Variants in DNAH9 observed in about 807,000 individuals in gnomAD.
DNAH9 encodes the protein DNAH9 variant protein.
Under a neutral mutation model 471.6 loss-of-function variants are expected in DNAH9, and 345 were observed. The observed-to-expected ratio is 0.73, with a 90% CI of 0.67 to 0.80. DNAH9 has a LOEUF of 0.80. DNAH9 is among the 30% of genes least tolerant of loss of function. DNAH9 has a pLI of 0.00. For synonymous variants in DNAH9, 2,093 were observed against 2,123.6 expected, an observed-to-expected ratio of 0.99 and a Z score of 0.40; for missense variants, 5,407 against 5,609.2, an observed-to-expected ratio of 0.96 and a Z score of 1.15.
At chr17:11,755,678 C>G (rs1223963837) in intron 33 of DNAH9, among the ~76,000 whole-genome samples, 1 of 148,830 alleles carries the variant, frequency 6.7e-6, no homozygotes, top group Admixed American at 6.6e-5. Context: ...TTTTCTGACT[C>G]AACACACATA....
intron 36 of DNAH9, among the ~76,000 whole-genome samples, chr17:11,766,613 G>A (rs1231732264): frequency 2.0e-5 from 3 of 152,192 alleles, no homozygotes; most frequent in Admixed American, 2.0e-4. Context: ...GAGAGCCCAG[G>A]GGACATGGGG....
At chr17:11,645,122 A>G (rs1035019263) in intron 11 of DNAH9, among the ~76,000 whole-genome samples, 2 of 152,242 alleles carry the variant, frequency 1.3e-5, no homozygotes, top group African/African-American at 2.4e-5. Flanking sequence ...TATGACTTCA[A>G]AGTTGTAACT....
At chr17:11,754,459 T>A (rs1967292221) in intron 33 of DNAH9, among the ~76,000 whole-genome samples, 1 of 152,356 alleles carries the variant, frequency 6.6e-6, no homozygotes, top group East Asian at 1.9e-4. Context: ...TATAAATGTG[T>A]TCCCTTTTCT....
Position 11,689,980 on chromosome 17 carries a change from G to C in DNAH9, c.4158G>C (p.Trp1386Cys). ...LQNPAIRERH[W>C]RQLMQATGVS... Reference sequence around the variant, plus strand: ...ATCCAGCCATCCGGGAGCGGCACTGGAGGCAGCTGATGCAGGCCACCGGTG... The same window carrying C: ...ATCCAGCCATCCGGGAGCGGCACTGCAGGCAGCTGATGCAGGCCACCGGTG... The change falls in exon 20 of 69, where the codon TGG becomes TGC. Residue 1386 changes from tryptophan to cysteine, a missense_variant. Around this residue, in one of 3 missense-constraint regions of DNAH9, gnomAD observed 4,636 missense variants for 4,900.3 expected, o/e 0.95. Transcript: ENST00000262442. The C allele has an allele frequency of 1.2e-6, 2 of 1,614,036 alleles. No individual in the cohort carries two copies. Among genetic ancestry groups the C allele is most frequent in the South Asian group, 2.2e-5 (2 of 91,054 alleles).
chr17:11,912,225 G>T (rs1156797101), intron 61 of DNAH9, among the ~76,000 whole-genome samples: 2 of 152,076 alleles, frequency 1.3e-5, no homozygotes, highest in East Asian at 1.9e-4. Context: ...TCACCATGTT[G>T]GCAGGATGGT....
chr17:11,952,978 G>A (rs1975447090), intron 67 of DNAH9, among the ~76,000 whole-genome samples: 1 of 152,136 alleles, frequency 6.6e-6, no homozygotes, highest in East Asian at 1.9e-4. Flanking sequence ...TCCTCAAATG[G>A]CAGGGAGGCA....
At chr17:11,739,184 C>A in intron 29 of DNAH9, 147 bp downstream of exon 29, 1 of 778,424 alleles carries the variant, frequency 1.3e-6, no homozygotes, top group Non-Finnish European at 2.0e-6. Flanking sequence ...GTCTTTAATG[C>A]AGTAAAATTG....
chr17:11,897,722 C>T (rs1461765617), intron 59 of DNAH9, among the ~76,000 whole-genome samples: 1 of 152,180 alleles, frequency 6.6e-6, no homozygotes, highest in Non-Finnish European at 1.5e-5. Flanking sequence ...GCCTTGGTTT[C>T]CTCATCTGCA....
intron 45 of DNAH9, among the ~76,000 whole-genome samples, chr17:11,816,934 C>T (rs1362110428): frequency 6.6e-6 from 1 of 152,206 alleles, no homozygotes; most frequent in South Asian, 2.1e-4. Flanking sequence ...TGGCAGGCAC[C>T]TGTAATCCCA....
chr17:11,696,309 ATC>A (rs748559448), intron 22 of DNAH9, among the ~76,000 whole-genome samples: 1 of 152,008 alleles, frequency 6.6e-6, no homozygotes, highest in Non-Finnish European at 1.5e-5. Flanking sequence ...AGTCAAAGAT[ATC>A]TCCCTCATTT....
At chr17:11,690,968 G>T (rs893384429) in intron 20 of DNAH9, among the ~76,000 whole-genome samples, 1 of 152,104 alleles carries the variant, frequency 6.6e-6, no homozygotes, top group Admixed American at 6.6e-5. Context: ...GTGTTTGATT[G>T]CCCCTTCTAA....
chr17:11,734,906 GA>G (rs1217146351), intron 28 of DNAH9, among the ~76,000 whole-genome samples: 1 of 152,208 alleles, frequency 6.6e-6, no homozygotes, highest in African/African-American at 2.4e-5. Context: ...CAGAGGTAGG[GA>G]TGAGTAGAAA....
At chr17:11,701,599 C>G (rs113057199) in intron 24 of DNAH9, among the ~76,000 whole-genome samples, 79 of 152,334 alleles carry the variant, frequency 5.2e-4, no homozygotes, top group African/African-American at 1.8e-3. Context: ...TGACACCTGT[C>G]TTGCTGGAGT....
chr17:11,771,907 C>T (rs1255577199), intron 38 of DNAH9, among the ~76,000 whole-genome samples: 1 of 152,120 alleles, frequency 6.6e-6, no homozygotes, highest in African/African-American at 2.4e-5. Context: ...TCTTGTACAG[C>T]CCTGTGAATA....
In DNAH9 at chr17:11,834,875, G is replaced by T; in HGVS notation, c.9484G>T (p.Ala3162Ser). 1 of 1,613,338 alleles carries T rather than the reference G, an allele frequency of 6.2e-7. No homozygotes were observed. The highest frequency in any genetic ancestry group is 8.5e-7 in the Non-Finnish European group (1 of 1,179,824). ...KAEPALTAAQAALNTLNKTNL... is the reference protein window; with the variant it reads ...KAEPALTAAQSALNTLNKTNL... ...TGAGCCAGCACTCACAGCAGCGCAG[G>T]CAGCTCTCAACACCCTGAACAAGGT... Residue 3162 changes from alanine to serine, a missense_variant, in exon 49 of 69, where the codon GCA becomes TCA. This residue lies in a region of DNAH9 where 4,636 missense variants were observed against 4,900.3 expected (regional missense o/e 0.95). Transcript: ENST00000262442.
At chr17:11,964,375 G>A (rs1311647435) in intron 68 of DNAH9, among the ~76,000 whole-genome samples, 1 of 152,182 alleles carries the variant, frequency 6.6e-6, no homozygotes, top group Non-Finnish European at 1.5e-5. Context: ...CAGTGACACT[G>A]GAAGTGGGGG....
At chr17:11,893,178 CAA>C (rs58420771) in intron 58 of DNAH9, among the ~76,000 whole-genome samples, 24 of 95,192 alleles carry the variant, frequency 2.5e-4, no homozygotes, top group East Asian at 1.2e-3. Flanking sequence ...TTGGCCTTTG[CAA>C]AAAAAAAAAA....
At chr17:11,709,493 C>T (rs922874250) in intron 26 of DNAH9, among the ~76,000 whole-genome samples, 2 of 152,090 alleles carry the variant, frequency 1.3e-5, no homozygotes, top group Non-Finnish European at 2.9e-5. Context: ...TCTCTCCTGC[C>T]CGAAGAATTA....
chr17:11,904,737 G>T (rs562156418), intron 60 of DNAH9, among the ~76,000 whole-genome samples: 1 of 152,106 alleles, frequency 6.6e-6, no homozygotes, highest in Admixed American at 6.5e-5. Context: ...TAAGGCAGGC[G>T]TAGGAGAATG....
Sources: allele counts gnomAD v4.1 joint callset (sites outside exome capture counted in the v4.1 genomes callset), GRCh38; gene constraint gnomAD v4.1.1; regional missense constraint gnomAD v4.1.1; transcripts MANE v1.5; gene names NCBI Gene and HGNC (gene_info 2026-07-23, HGNC 2026-07-21).